Variants in NIPSNAP3B observed in about 807,000 individuals in gnomAD.
NIPSNAP3B encodes nipsnap homolog 3B, also known as protein NipSnap homolog 3B.
A neutral mutation model predicts 31.5 loss-of-function variants in NIPSNAP3B; 30 were observed. The observed-to-expected ratio is 0.95, with a 90% CI of 0.71 to 1.29. The LOEUF (loss-of-function observed/expected upper bound fraction) is 1.29. NIPSNAP3B is among the 50% of genes most tolerant of loss of function. The pLI, the probability that NIPSNAP3B is intolerant of heterozygous loss-of-function variation, is 0.00. For synonymous variants in NIPSNAP3B, 106 were observed against 107.9 expected (o/e 0.98, Z 0.11); for missense variants, 269 against 300.7 (o/e 0.89, Z 0.78).
chr9:104,764,275 T>G lies in NIPSNAP3B; in HGVS notation c.35T>G (p.Leu12Arg), dbSNP rs768613527. ...LVLRSGLTKA[L>R]ASRTLAPQVC... ...CTCAGAAGCGGCCTGACCAAGGCGC[T>G]TGCCTCACGGACGCTCGCGCCTCAG... The change falls in exon 1 of 6, where the codon CTT becomes CGT. Residue 12 changes from leucine to arginine, a missense_variant. By Grantham distance (102) the Leu-to-Arg change is moderately radical. Coordinates refer to ENST00000374762, the MANE Select transcript of NIPSNAP3B (RefSeq NM_018376.4). 1.3e-6 allele frequency: 2 copies of G among 1,596,894 alleles called. No individual in the cohort carries two copies. The highest frequency in any genetic ancestry group is 1.7e-6 in the Non-Finnish European group (2 of 1,173,828).
At chr9:104,785,874 T>G in the NIPSNAP3B span, among the ~76,000 whole-genome samples, 1 of 152,164 alleles carries the variant, frequency 6.6e-6, no homozygotes, top group Admixed American at 6.5e-5. Flanking sequence ...ACCCATGAAG[T>G]CTGACAGATG....
the NIPSNAP3B span, chr9:104,785,317 T>C: frequency 4.3e-5 from 67 of 1,575,720 alleles, no homozygotes; most frequent in Non-Finnish European, 5.3e-5. Context: ...TACAAACTGC[T>C]CTTGGACCTA....
chr9:104,779,899 C>T (rs374622053), downstream of NIPSNAP3B, among the ~76,000 whole-genome samples: 38 of 152,044 alleles, frequency 2.5e-4, 1 homozygote, highest in South Asian at 2.1e-3. Flanking sequence ...GTTGTGGTGG[C>T]GCATGCCTGT....
Position 104,768,946 on chromosome 9 carries a change from G to A in NIPSNAP3B, c.355G>A (p.Ala119Thr), listed in dbSNP as rs1231028817. ...AGAACAATCTATCATTCCAAATTTG[G>A]CTCGCATTGATAAACAAGAGACGGA... The part of the protein sequence containing the change: ...WQEQSIIPNL[A>T]RIDKQETEIT... Residue 119 changes from alanine to threonine, a missense_variant, in exon 3 of 6, where the codon GCT (alanine) becomes ACT (threonine). Physicochemically the swap from Ala to Thr is moderately conservative, Grantham distance 58. Coordinates refer to ENST00000374762, the MANE Select transcript of NIPSNAP3B (RefSeq NM_018376.4). 4 of 1,613,812 alleles carry A rather than the reference G, an allele frequency of 2.5e-6. No homozygotes were observed. The highest frequency in any genetic ancestry group is 3.3e-4 in the Middle Eastern group (2 of 6,062).
At position 104,773,060 on chromosome 9, in the gene NIPSNAP3B, C is replaced by T. The variant is rs768505634; in HGVS notation, c.731C>T (p.Ser244Leu). 1.2e-5 allele frequency: 20 copies of T among 1,613,914 alleles called. No individual in the cohort carries two copies. The highest frequency in any genetic ancestry group is 1.7e-5 in the Non-Finnish European group (20 of 1,179,820). ...QNMLLIPASF[S>L]PLK Reference sequence around the variant, plus strand: ...ATGCTTCTGATTCCTGCATCATTTTCACCATTGAAATAGTTTTCTACTGAA... The same window carrying T: ...ATGCTTCTGATTCCTGCATCATTTTTACCATTGAAATAGTTTTCTACTGAA... Residue 244 changes from serine to leucine, a missense_variant, in exon 6 of 6, where the codon TCA (serine) becomes TTA (leucine). Ser to Leu is a moderately radical substitution (Grantham distance 145, BLOSUM62 -2). Coordinates refer to ENST00000374762, the MANE Select transcript of NIPSNAP3B (RefSeq NM_018376.4).
rs756646884 is a variant in NIPSNAP3B at position 104,764,328 on chromosome 9, C to G, written c.60+28C>G. ...ACTGGCCGCGGGGGCGCGCCCGAGC[C>G]CTGGCCGGAGGGGAGGGGAGGGGCG... On this transcript the variant is annotated intron_variant, in intron 1 of 5. Coordinates refer to ENST00000374762, the MANE Select transcript of NIPSNAP3B (RefSeq NM_018376.4). 17 of 1,557,620 alleles carry G rather than the reference C, an allele frequency of 1.1e-5. No homozygotes were observed. The South Asian group carries it at 1.5e-4, about 14-fold the overall frequency.
rs564055872 is a variant in NIPSNAP3B at position 104,767,589 on chromosome 9, T to A, written c.271+1054T>A. ...TTCCCTGTTATAATAAAACAGACCC[T>A]ATTAAAACATAATTTATGCTTTAGA... On this transcript the variant is annotated intron_variant, in intron 2 of 5. Transcript: ENST00000374762. Among the ~76,000 whole-genome samples, 9 of 152,316 alleles carry A rather than the reference T, an allele frequency of 5.9e-5. 1 individual carries two copies. The South Asian group carries it at 1.7e-3, about 28-fold the overall frequency.
intron 3 of NIPSNAP3B, 140 bp from the exon 4 acceptor site, chr9:104,770,709 C>A: frequency 1.7e-6 from 1 of 604,686 alleles, no homozygotes; most frequent in Non-Finnish European, 2.8e-6. Flanking sequence ...TGCAGAGAAT[C>A]AATAAATGTG....
intron 1 of NIPSNAP3B, 71 bp from the exon 2 acceptor site, chr9:104,766,254 T>G: frequency 8.1e-7 from 1 of 1,233,890 alleles, no homozygotes; most frequent in South Asian, 1.3e-5. Context: ...TGTACCAGAC[T>G]CAGATTTGGT....
the NIPSNAP3B span, among the ~76,000 whole-genome samples, chr9:104,789,267 T>G: frequency 1.3e-5 from 2 of 152,294 alleles, no homozygotes; most frequent in East Asian, 3.9e-4. Flanking sequence ...CCAAATCAGT[T>G]CTTACAACCA....
intron 4 of NIPSNAP3B, among the ~76,000 whole-genome samples, chr9:104,772,129 C>G (rs574825047): frequency 6.7e-6 from 1 of 150,002 alleles, no homozygotes; most frequent in African/African-American, 2.4e-5. Context: ...GATATTAGGC[C>G]TTTGTCAGAT....
intron 2 of NIPSNAP3B, among the ~76,000 whole-genome samples, chr9:104,768,199 A>G (rs1210950661): frequency 6.6e-6 from 1 of 152,200 alleles, no homozygotes; most frequent in Non-Finnish European, 1.5e-5. Context: ...AAATGTATAT[A>G]CCTGTTTGGG....
At chr9:104,765,383 C>T (rs776048794) in intron 1 of NIPSNAP3B, among the ~76,000 whole-genome samples, 2 of 152,106 alleles carry the variant, frequency 1.3e-5, no homozygotes, top group Non-Finnish European at 2.9e-5. Flanking sequence ...TAGAATGCCA[C>T]GGGAGTGGTC....
At chr9:104,787,051 A>C in the NIPSNAP3B span, 1 of 1,339,760 alleles carries the variant, frequency 7.5e-7, no homozygotes, top group Non-Finnish European at 1.1e-6. Flanking sequence ...TTAAATGCAG[A>C]AGCATCTTTG....
intron 1 of NIPSNAP3B, among the ~76,000 whole-genome samples, 177 bp from the exon 2 acceptor site, chr9:104,766,148 G>C (rs530536386): frequency 8.2e-4 from 125 of 152,302 alleles, no homozygotes; most frequent in Non-Finnish European, 1.3e-3. Context: ...TCAGAATTAA[G>C]AGTAGTTATC....
At chr9:104,770,725 A>G (rs1828196759) in intron 3 of NIPSNAP3B, 124 bp from the exon 4 acceptor site, 2 of 705,926 alleles carry the variant, frequency 2.8e-6, no homozygotes, top group South Asian at 4.0e-5. Context: ...ATGTGACTGC[A>G]TATGTATGTA....
the NIPSNAP3B span, among the ~76,000 whole-genome samples, chr9:104,786,013 T>G: frequency 6.6e-6 from 1 of 152,046 alleles, no homozygotes; most frequent in South Asian, 2.1e-4. Context: ...TACTGGCACA[T>G]GTAAATTTTT....
At chr9:104,779,764 C>T (rs1828427239), downstream of NIPSNAP3B, among the ~76,000 whole-genome samples, 1 of 152,112 alleles carries the variant, frequency 6.6e-6, no homozygotes, top group African/African-American at 2.4e-5. Context: ...CAAGGTGGCT[C>T]ATGCCTGTAA....
intron 4 of NIPSNAP3B, among the ~76,000 whole-genome samples, chr9:104,771,790 T>G (rs1293942839): frequency 6.6e-6 from 1 of 152,222 alleles, no homozygotes; most frequent in Non-Finnish European, 1.5e-5. Flanking sequence ...TTTAGCTCTT[T>G]GAGGAATCAC....
Sources: gnomAD v4.1 joint callset for allele counts (sites outside exome capture counted in the v4.1 genomes callset) on GRCh38, gnomAD v4.1.1 for gene constraint, MANE v1.5 for transcripts, NCBI Gene and HGNC (gene_info 2026-07-23, HGNC 2026-07-21) for gene names.